The following IL3RA variants were observed in gnomAD, a reference collection of about 807,000 sequenced individuals.
IL3RA encodes the protein interleukin-3 receptor subunit alpha.
In IL3RA, 73 loss-of-function variants were observed where a neutral mutation model predicts 52.3. That is an observed-to-expected ratio of 1.40 (90% CI 1.16 to 1.70). IL3RA has a LOEUF of 1.70. IL3RA is among the 40% of genes most tolerant of loss of function. The probability of loss-of-function intolerance (pLI) is 0.00; values close to 1 mark genes in which losing one functional copy is unlikely to be tolerated. For missense variants in IL3RA, 664 were observed against 504.4 expected, an observed-to-expected ratio of 1.32 and a Z score of -3.03; for synonymous variants, 260 against 194.0, an observed-to-expected ratio of 1.34 and a Z score of -2.83.
chrX:1,345,325 C>T lies in IL3RA; in HGVS notation c.74C>T (p.Pro25Leu), dbSNP rs1346767949. 1.1e-5 allele frequency: 18 copies of T among 1,609,180 alleles called. No individual in the cohort carries two copies. Among genetic ancestry groups the T allele is most frequent in the Admixed American group, 1.7e-5 (1 of 59,736 alleles). The change falls in exon 3 of 12, where the codon CCA (proline) becomes CTA (leucine). Residue 25 changes from proline to leucine, a missense_variant. By Grantham distance (98) the Pro-to-Leu change is moderately conservative (BLOSUM62 -3). Coordinates refer to ENST00000331035, the MANE Select transcript of IL3RA (RefSeq NM_002183.4). ...CCTGTCACCGTTTTAGATCCAAACC[C>T]ACCAATCACGAACCTAAGGATGAAA... is the stretch of plus-strand genomic sequence containing the variant. The part of the protein sequence containing the change: ...CLLQTKEDPN[P>L]PITNLRMKAK...
intron 8 of IL3RA, among the ~76,000 whole-genome samples, chrX:1,363,502 G>A (rs1437770690): frequency 6.6e-6 from 1 of 150,952 alleles, no homozygotes; most frequent in East Asian, 2.0e-4. Context: ...GGGTTTCACT[G>A]TGGTCTCGAT....
intron 3 of IL3RA, 63 bp from the exon 4 acceptor site, chrX:1,348,368 C>T (rs1324985578): frequency 4.6e-6 from 6 of 1,305,152 alleles, no homozygotes; most frequent in African/African-American, 2.9e-5. Context: ...AAAATCTGAA[C>T]ATCATTAGCG....
intron 8 of IL3RA, among the ~76,000 whole-genome samples, chrX:1,364,469 C>A (rs1322822806): frequency 6.6e-6 from 1 of 152,032 alleles, no homozygotes; most frequent in Non-Finnish European, 1.5e-5. Context: ...CCAGCCTGGG[C>A]AACAAGAGTG....
chrX:1,357,590 C>G (rs1184624760), intron 7 of IL3RA, among the ~76,000 whole-genome samples: 17 of 151,160 alleles, frequency 1.1e-4, no homozygotes. Flanking sequence ...TCTTGAACTC[C>G]TGACCTCATG....
intron 9 of IL3RA, among the ~76,000 whole-genome samples, chrX:1,367,758 G>T (rs1425171043): frequency 7.2e-6 from 1 of 138,280 alleles, no homozygotes; most frequent in African/African-American, 2.7e-5. Context: ...GGTGAGCGGG[G>T]TGCGCCGGGT....
Position 1,352,398 on chromosome X carries a change from A to C in IL3RA, c.508A>C (p.Ile170Leu). The change falls in exon 6 of 12, where the codon ATC (isoleucine) becomes CTC (leucine). Residue 170 changes from isoleucine (I) to leucine (L), a missense_variant. Transcript: ENST00000331035. The stretch of plus-strand genomic sequence containing the variant: ...ACGTATCGGGTGTCGTTTCGATGAC[A>C]TCTCTCGACTCTCCAGCGGTTCTCA... ...GTRIGCRFDD[I>L]SRLSSGSQSS... is the part of the protein sequence containing the mutation. 1 of 1,613,800 alleles carries C rather than the reference A, an allele frequency of 6.2e-7. No individual in the cohort carries two copies. Among genetic ancestry groups the C allele is most frequent in the Non-Finnish European group, 8.5e-7 (1 of 1,179,840 alleles).
intron 2 of IL3RA, among the ~76,000 whole-genome samples, chrX:1,344,383 G>A (rs780888514): frequency 2.4e-4 from 36 of 152,112 alleles, no homozygotes; most frequent in African/African-American, 7.2e-4. Context: ...GTAGTGAGCC[G>A]AGATCGCGCC....
chrX:1,360,490 C>A (rs2087168951), intron 8 of IL3RA, among the ~76,000 whole-genome samples: 1 of 151,846 alleles, frequency 6.6e-6, no homozygotes, highest in African/African-American at 2.4e-5. Flanking sequence ...CTCTGTATCT[C>A]TGTATCTCTC....
intron 8 of IL3RA, among the ~76,000 whole-genome samples, chrX:1,359,228 C>T (rs1313957510): frequency 6.6e-6 from 1 of 151,910 alleles, no homozygotes; most frequent in Non-Finnish European, 1.5e-5. Flanking sequence ...GCCCCAGATT[C>T]CTTACCCTGG....
At chrX:1,378,806 T>C in intron 10 of IL3RA, 42 bp downstream of exon 10, 1 of 1,526,870 alleles carries the variant, frequency 6.5e-7, no homozygotes, top group Non-Finnish European at 9.1e-7. Flanking sequence ...TTGTTTCCAG[T>C]GTGACCCTGA....
rs1472337242 is a variant in IL3RA, at chrX:1,352,021, TC to T, written c.299-76del. The stretch of plus-strand genomic sequence containing the variant: ...CTCATGTGATCCACCCGCCTCGGCC[TC>T]CCAAAATGCTGGGGTGACAGGCGTG... On this transcript the variant is annotated intron_variant, in intron 4 of 11. Transcript: ENST00000331035. The T allele has an allele frequency of 1.4e-5, 21 of 1,552,818 alleles. No homozygotes were observed. The East Asian group carries it at 4.8e-4, about 36-fold the overall frequency.
intron 4 of IL3RA, among the ~76,000 whole-genome samples, chrX:1,349,705 C>T (rs1398042892): frequency 6.6e-6 from 1 of 151,976 alleles, no homozygotes; most frequent in African/African-American, 2.4e-5. Context: ...TCTTGTCGCC[C>T]AGGCTGGAGT....
intron 8 of IL3RA, among the ~76,000 whole-genome samples, chrX:1,364,056 C>T (rs1472885973): frequency 7.9e-5 from 12 of 151,470 alleles, no homozygotes; most frequent in East Asian, 7.8e-4. Context: ...GGCATGGTAG[C>T]GGGTGCCTGT....
At chrX:1,347,140 G>C (rs1416070294) in intron 3 of IL3RA, among the ~76,000 whole-genome samples, 5 of 151,458 alleles carry the variant, frequency 3.3e-5, no homozygotes, top group Non-Finnish European at 7.4e-5. Context: ...CCCAATGTGC[G>C]GATTGCTATA....
chrX:1,345,516 G>A, intron 3 of IL3RA, 82 bp downstream of exon 3: 1 of 960,746 alleles, frequency 1.0e-6, no homozygotes, highest in Non-Finnish European at 1.4e-6. Flanking sequence ...TTGAGACGGA[G>A]TCTTGCTCTG....
rs147319218 is a variant in IL3RA at position 1,378,702 on chromosome X, G to T, written c.918G>T (p.Thr306=). The T allele has an allele frequency of 1.2e-6, 2 of 1,612,698 alleles. No homozygotes were observed. Among genetic ancestry groups the T allele is most frequent in the South Asian group, 2.2e-5 (2 of 91,034 alleles). Residue 306 remains threonine, a synonymous_variant, in exon 10 of 12, where the codon ACG becomes ACT. Coordinates refer to ENST00000331035, the MANE Select transcript of IL3RA (RefSeq NM_002183.4). ...EEGANTRAWR[T]SLLIALGTLL... Reference sequence around the variant, plus strand: ...GCGCAAACACACGTGCCTGGCGGACGTCGCTGCTGATCGCGCTGGGGACGC... The same window carrying T: ...GCGCAAACACACGTGCCTGGCGGACTTCGCTGCTGATCGCGCTGGGGACGC...
intron 8 of IL3RA, among the ~76,000 whole-genome samples, chrX:1,363,121 C>T (rs1313643055): frequency 6.6e-6 from 1 of 151,492 alleles, no homozygotes; most frequent in Non-Finnish European, 1.5e-5. Context: ...ATTTAGGGCC[C>T]CCCCTGATCC....
intron 1 of IL3RA, among the ~76,000 whole-genome samples, chrX:1,337,326 G>A (rs1173451855): frequency 3.9e-5 from 6 of 152,172 alleles, no homozygotes; most frequent in Admixed American, 1.3e-4. Flanking sequence ...ATGAGCTCAC[G>A]CCCAGGGCGA....
At chrX:1,379,358 G>T (rs1187053346) in intron 10 of IL3RA, among the ~76,000 whole-genome samples, 1 of 152,004 alleles carries the variant, frequency 6.6e-6, no homozygotes, top group African/African-American at 2.4e-5. Flanking sequence ...GTTTCACCAT[G>T]TTGGCCACAC....
Sources: allele counts gnomAD v4.1 joint callset (sites outside exome capture counted in the v4.1 genomes callset), GRCh38; gene constraint gnomAD v4.1.1; transcripts MANE v1.5; gene names NCBI Gene and HGNC (gene_info 2026-07-23, HGNC 2026-07-21).